The following NRG4 variants were observed in gnomAD, a reference collection of about 807,000 sequenced individuals.
NRG4 encodes the protein neuregulin 4, also known as pro-neuregulin-4, membrane-bound isoform.
Under a neutral mutation model 15.0 loss-of-function variants are expected in NRG4, and 10 were observed. That is an observed-to-expected ratio of 0.67 (90% CI 0.41 to 1.13). The LOEUF (loss-of-function observed/expected upper bound fraction) is 1.13. Among genes scored for constraint, NRG4 ranks in the 50% most tolerant of loss-of-function variants. The probability of loss-of-function intolerance (pLI) is 0.00; values close to 1 mark genes in which losing one functional copy is unlikely to be tolerated. For missense variants in NRG4, 139 were observed against 140.2 expected, an observed-to-expected ratio of 0.99 and a Z score of 0.04; for synonymous variants, 41 against 50.1, an observed-to-expected ratio of 0.82 and a Z score of 0.77.
At position 76,044,497 on chromosome 15, in the gene NRG4, T is replaced by TA. The variant is rs571997277; in HGVS notation, c.-105+7569dup. Among the ~76,000 whole-genome samples, 35 of 150,002 alleles carry TA rather than the reference T, an allele frequency of 2.3e-4. 2 individuals carry two copies. Among genetic ancestry groups the TA allele is most frequent in the East Asian group, 7.7e-4 (4 of 5,172 alleles). On this transcript the variant is annotated intron_variant, in intron 4 of 8. Coordinates refer to the NRG4 transcript ENST00000563910. ...CTAAGATGTCAAACTATGAAACTAC[T>TA]AAAAAAAATTGGGGAAACTCTCTAG...
downstream of NRG4, chr15:75,936,343 T>C (rs991571236): frequency 1.3e-5 from 2 of 152,190 alleles, no homozygotes; most frequent in African/African-American, 4.8e-5. Flanking sequence ...AGTAATAATA[T>C]CCTTGTTAAA....
chr15:75,991,623 A>G (rs1032312617), intron 3 of NRG4, among the ~76,000 whole-genome samples: 3 of 147,742 alleles, frequency 2.0e-5, no homozygotes, highest in Non-Finnish European at 4.5e-5. Flanking sequence ...CTGTGTCCTT[A>G]GTGAATTTTT....
At chr15:76,019,483 G>A (rs1195044310) in intron 5 of NRG4, among the ~76,000 whole-genome samples, 1 of 152,190 alleles carries the variant, frequency 6.6e-6, no homozygotes, top group East Asian at 1.9e-4. Flanking sequence ...TCAGGGCCCT[G>A]ATGGCGTAGG....
In NRG4 at chr15:76,003,350, T is replaced by C. The variant is rs554856350; in HGVS notation, c.104+5850A>G. Among the ~76,000 whole-genome samples, 21 of 152,222 alleles carry C rather than the reference T, an allele frequency of 1.4e-4. No individual in the cohort carries two copies. In the South Asian group the frequency reaches 3.7e-3, roughly 27 times the overall value. On this transcript the variant is annotated intron_variant, in intron 3 of 5. Coordinates refer to ENST00000394907, the MANE Select transcript of NRG4 (RefSeq NM_138573.4). ...AAATTTATAATTTTAAAACGTTATG[T>C]TAAAATAGATGAACATAAGATAATG...
At chr15:75,939,635 T>C (rs1468292072), downstream of NRG4, 2 of 152,146 alleles carry the variant, frequency 1.3e-5, no homozygotes, top group East Asian at 3.8e-4. Context: ...GATTCAACAA[T>C]TGTCAATACT....
Position 75,961,846 on chromosome 15 carries a change from G to T in NRG4, c.233C>A (p.Ala78Asp), listed in dbSNP as rs780037230. ...TACTTACCTGCAAAGGAAGTAGAAG[G>T]CTCCAATGATAAGTGTTACTAGGAC... ...LAVLVTLIIG[A>D]FYFLCRKGHF... The change falls in exon 4 of 6, where the codon GCC becomes GAC. Residue 78 changes from alanine to aspartate, a missense_variant. By Grantham distance (126) the Ala-to-Asp change is moderately radical (BLOSUM62 -2). Transcript: ENST00000394907. 25 of 1,612,624 alleles carry T rather than the reference G, an allele frequency of 1.6e-5. No homozygotes were observed. Among genetic ancestry groups the T allele is most frequent in the South Asian group, 7.7e-5 (7 of 90,768 alleles).
At chr15:76,002,847 G>A (rs2034463635) in intron 3 of NRG4, among the ~76,000 whole-genome samples, 1 of 152,094 alleles carries the variant, frequency 6.6e-6, no homozygotes, top group Non-Finnish European at 1.5e-5. Context: ...AAAACTGGGG[G>A]AAGGAGAAGC....
chr15:75,969,273 A>ACT, intron 3 of NRG4: 1 of 454,410 alleles, frequency 2.2e-6, no homozygotes, highest in South Asian at 1.6e-5. Flanking sequence ...CACAGTTGTT[A>ACT]CTCTGCGTGG....
intron 4 of NRG4, among the ~76,000 whole-genome samples, chr15:76,048,842 C>T (rs1054068287): frequency 8.0e-5 from 12 of 150,294 alleles, no homozygotes; most frequent in Admixed American, 2.0e-4. Context: ...GTCAGGAGTT[C>T]GAGACCAGCC....
intron 3 of NRG4, among the ~76,000 whole-genome samples, chr15:76,002,110 C>A (rs2034437899): frequency 6.6e-6 from 1 of 152,072 alleles, no homozygotes; most frequent in Admixed American, 6.6e-5. Flanking sequence ...AAAGTTAAAC[C>A]CAGCTATTTC....
chr15:75,981,715 G>GT (rs2033614856), intron 3 of NRG4, among the ~76,000 whole-genome samples: 1 of 152,088 alleles, frequency 6.6e-6, no homozygotes, highest in African/African-American at 2.4e-5. Flanking sequence ...TCAAATGGTC[G>GT]TTTTTGAAGC....
At chr15:75,965,217 T>G (rs1169926644) in intron 3 of NRG4, among the ~76,000 whole-genome samples, 1 of 151,890 alleles carries the variant, frequency 6.6e-6, no homozygotes, top group Non-Finnish European at 1.5e-5. Context: ...AGGGTGAGAC[T>G]CTGACTCAAA....
intron 4 of NRG4, among the ~76,000 whole-genome samples, chr15:75,961,384 C>G (rs2032513784): frequency 6.6e-6 from 1 of 151,836 alleles, no homozygotes; most frequent in African/African-American, 2.4e-5. Flanking sequence ...GGAAACATGT[C>G]TATTTTGTTC....
At chr15:76,007,941 A>G (rs2034667324) in intron 3 of NRG4, among the ~76,000 whole-genome samples, 1 of 152,102 alleles carries the variant, frequency 6.6e-6, no homozygotes, top group South Asian at 2.1e-4. Context: ...TTATTTTCTA[A>G]GGTCTCCCCT....
At chr15:76,038,424 G>A (rs561418850) in intron 4 of NRG4, among the ~76,000 whole-genome samples, 1 of 152,314 alleles carries the variant, frequency 6.6e-6, no homozygotes, top group South Asian at 2.1e-4. Flanking sequence ...TTCACCACAA[G>A]CTAACTGAAG....
At chr15:75,988,598 G>A (rs1400870659) in intron 3 of NRG4, among the ~76,000 whole-genome samples, 2 of 152,158 alleles carry the variant, frequency 1.3e-5, no homozygotes, top group Non-Finnish European at 2.9e-5. Flanking sequence ...GATACACATA[G>A]GTCTTTGCTG....
rs768917465 is a variant in NRG4, at chr15:75,955,978, C to G, written c.285G>C (p.Gln95His). 2 of 1,611,792 alleles carry G rather than the reference C, an allele frequency of 1.2e-6. No individual in the cohort carries two copies. The highest frequency in any genetic ancestry group is 1.1e-5 in the South Asian group (1 of 91,022). ...TCGTCTCTACCAGGTTGATATCATACTGGACTGAACTGGCTCTCTGAAAGT... is the reference window on the plus strand; with the variant it reads ...TCGTCTCTACCAGGTTGATATCATAGTGGACTGAACTGGCTCTCTGAAAGT... ...KGHFQRASSV[Q>H]YDINLVETSS... The change falls in exon 5 of 6, where the codon CAG (glutamine) becomes CAC (histidine). Residue 95 changes from glutamine (Q) to histidine (H), a missense_variant. Gln to His is a conservative substitution (Grantham distance 24). Transcript: ENST00000394907.
chr15:76,039,357 G>T (rs2141951652), intron 4 of NRG4, among the ~76,000 whole-genome samples: 1 of 152,186 alleles, frequency 6.6e-6, no homozygotes. Flanking sequence ...GAAACTCAAA[G>T]AAATTCAAGA....
intron 2 of NRG4, among the ~76,000 whole-genome samples, chr15:76,055,629 T>G (rs533640792): frequency 6.6e-6 from 1 of 152,292 alleles, no homozygotes; most frequent in Admixed American, 6.5e-5. Flanking sequence ...TTCTCTAAAT[T>G]AATTTCCATG....
Sources: gnomAD v4.1 joint callset for allele counts (sites outside exome capture counted in the v4.1 genomes callset) on GRCh38, gnomAD v4.1.1 for gene constraint, MANE v1.5 for transcripts, NCBI Gene and HGNC (gene_info 2026-07-23, HGNC 2026-07-21) for gene names.